Variants in SLC24A4 observed in about 807,000 individuals in gnomAD.
SLC24A4 encodes the protein solute carrier family 24 member 4, also known as sodium/potassium/calcium exchanger 4.
SLC24A4 carries 53 observed loss-of-function variants against 79.0 expected under a neutral mutation model. The ratio of observed to expected loss-of-function variants is 0.67; its 90% CI spans 0.54 to 0.84. The LOEUF (loss-of-function observed/expected upper bound fraction) is 0.84. Ranked by LOEUF, SLC24A4 falls within the 40% of genes least tolerant of loss-of-function variation. The pLI is 0.00. For synonymous variants in SLC24A4, 323 were observed against 323.8 expected (o/e 1.00, Z 0.03); for missense variants, 731 against 822.0 (o/e 0.89, Z 1.35).
At chr14:92,438,197 A>G (rs1892282692) in intron 3 of SLC24A4, among the ~76,000 whole-genome samples, 1 of 152,230 alleles carries the variant, frequency 6.6e-6, no homozygotes, top group African/African-American at 2.4e-5. Flanking sequence ...AACCTGCTAT[A>G]AATCAGGATT....
intron 2 of SLC24A4, among the ~76,000 whole-genome samples, chr14:92,401,280 C>T (rs1229681332): frequency 6.6e-6 from 1 of 152,182 alleles, no homozygotes; most frequent in Non-Finnish European, 1.5e-5. Flanking sequence ...AATGGAAAAA[C>T]CGTGCAGGTT....
chr14:92,436,697 C>T (rs1193022190), intron 3 of SLC24A4, among the ~76,000 whole-genome samples: 1 of 152,140 alleles, frequency 6.6e-6, no homozygotes, highest in Non-Finnish European at 1.5e-5. Flanking sequence ...TGCAGTGCTC[C>T]GTGACCCAGG....
rs118059087 is a variant in SLC24A4 at position 92,419,788 on chromosome 14, A to T, written c.242-14124A>T. On this transcript the variant is annotated intron_variant, in intron 2 of 16. Transcript: ENST00000532405. ...CTTGTGTTTCATGAATAAAGGGTCAATCAAGTCAACACATAATGAGGGCTG... is the reference window on the plus strand; with the variant it reads ...CTTGTGTTTCATGAATAAAGGGTCATTCAAGTCAACACATAATGAGGGCTG... Among the ~76,000 whole-genome samples the T allele has an allele frequency of 5.1e-3, 772 of 152,324 alleles. 3 individuals carry two copies. The highest frequency in any genetic ancestry group is 8.6e-3 in the Non-Finnish European group (588 of 68,028).
chr14:92,443,499 G>A, intron 7 of SLC24A4, 25 bp downstream of exon 7: 5 of 1,613,602 alleles, frequency 3.1e-6, no homozygotes, highest in Non-Finnish European at 4.2e-6. Flanking sequence ...TGCCCCCAAG[G>A]TCAGGTTGGC....
intron 12 of SLC24A4, among the ~76,000 whole-genome samples, chr14:92,467,092 CACTG>C (rs1334537828): frequency 6.6e-6 from 1 of 152,188 alleles, no homozygotes; most frequent in Non-Finnish European, 1.5e-5. Context: ...GCACAGAGGC[CACTG>C]ACTGAGGAAG....
chr14:92,384,102 C>A (rs1296170122), intron 2 of SLC24A4, among the ~76,000 whole-genome samples: 1 of 152,164 alleles, frequency 6.6e-6, no homozygotes, highest in Non-Finnish European at 1.5e-5. Context: ...TTTCTGTCTG[C>A]CTTGCCTGGT....
In SLC24A4 at chr14:92,441,994, AC is replaced by A. The variant is rs780646613; in HGVS notation, c.394-94del. 1.0e-4 allele frequency: 101 copies of A among 964,452 alleles called. No homozygotes were observed. Among genetic ancestry groups the A allele is most frequent in the Non-Finnish European group, 1.6e-4 (97 of 615,702 alleles). 59.7% of individuals were successfully genotyped at this position (964,452 alleles called of 1,614,324 possible). ...AGACGAGTTTGCCTCTGGCTGCAGCACTGCTCTCCTGCATGCTCCTTGGCTG... is the reference window on the plus strand; with the variant it reads ...AGACGAGTTTGCCTCTGGCTGCAGCATGCTCTCCTGCATGCTCCTTGGCTG... On this transcript the variant is annotated intron_variant, in intron 4 of 16. Coordinates refer to ENST00000532405, the MANE Select transcript of SLC24A4 (RefSeq NM_153646.4). This position sits in a 1 kb window ranked among gnomAD's most constrained non-coding sequence, Gnocchi z 4.6.
intron 2 of SLC24A4, among the ~76,000 whole-genome samples, chr14:92,335,502 G>A (rs1401018325): frequency 2.7e-5 from 4 of 150,412 alleles, no homozygotes; most frequent in Non-Finnish European, 4.4e-5. Flanking sequence ...TTACAGGCAT[G>A]TGCCACCACG....
chr14:92,421,918 T>A (rs1321537171), intron 2 of SLC24A4, among the ~76,000 whole-genome samples: 1 of 152,190 alleles, frequency 6.6e-6, no homozygotes, highest in Admixed American at 6.6e-5. Flanking sequence ...AGGGCAGCCG[T>A]TTAGAATTCC....
chr14:92,446,832 A>G (rs4144267), intron 8 of SLC24A4, among the ~76,000 whole-genome samples: 38,666 of 152,082 alleles, frequency 0.25, 5,600 homozygotes, highest in East Asian at 0.53. Context: ...AGAGGGTAGT[A>G]ATGGTTGCAT....
At chr14:92,390,501 C>T (rs1889404904) in intron 2 of SLC24A4, among the ~76,000 whole-genome samples, 1 of 152,182 alleles carries the variant, frequency 6.6e-6, no homozygotes, top group South Asian at 2.1e-4. Context: ...GAGTTAAGAT[C>T]TGACAATATA....
At chr14:92,448,381 A>ACACACACACACACACAC (rs1555371204) in intron 9 of SLC24A4, among the ~76,000 whole-genome samples, 5 of 31,832 alleles carry the variant, frequency 1.6e-4, no homozygotes, top group East Asian at 6.2e-4. Context: ...CACACACACA[A>ACACACACACACACACAC]ATCCCTACTC....
In SLC24A4 at chr14:92,323,901, G is replaced by T; in HGVS notation, c.71G>T (p.Gly24Val). The change falls in exon 1 of 17, where the codon GGC (glycine) becomes GTC (valine). Residue 24 changes from glycine to valine, a missense_variant. Coordinates refer to ENST00000532405, the MANE Select transcript of SLC24A4 (RefSeq NM_153646.4). The surrounding 1 kb of genome is among the most constrained non-coding windows in gnomAD (Gnocchi z 4.9). ...RRREMLPQQV[G>V]FVCAVLALVC... ...CGAGAGATGCTGCCGCAGCAAGTCGGCTTCGTGTGCGCGGTGCTGGCCCTG... is the reference window on the plus strand; with the variant it reads ...CGAGAGATGCTGCCGCAGCAAGTCGTCTTCGTGTGCGCGGTGCTGGCCCTG... 1 of 1,609,366 alleles carries T rather than the reference G, an allele frequency of 6.2e-7. No individual in the cohort carries two copies.
In SLC24A4 at chr14:92,381,482, C is replaced by T. The variant is rs562416141; in HGVS notation, c.242-52430C>T. On this transcript the variant is annotated intron_variant, in intron 2 of 16. Coordinates refer to ENST00000532405, the MANE Select transcript of SLC24A4 (RefSeq NM_153646.4). ...CATTAGGACAAATACCTAATGCATG[C>T]GGGGCTTAAAGCCTAGATGATGGGT... Among the ~76,000 whole-genome samples the T allele has an allele frequency of 5.9e-5, 9 of 152,132 alleles. No individual in the cohort carries two copies. In the South Asian group the frequency reaches 6.2e-4, roughly 11 times the overall value.
chr14:92,429,692 G>A (rs575186464), intron 2 of SLC24A4, among the ~76,000 whole-genome samples: 1 of 152,320 alleles, frequency 6.6e-6, no homozygotes, highest in Admixed American at 6.5e-5. Flanking sequence ...TCTGCTGGGG[G>A]TAACATGCTC....
chr14:92,434,217 C>G (rs185925085), intron 3 of SLC24A4, among the ~76,000 whole-genome samples: 1 of 152,302 alleles, frequency 6.6e-6, no homozygotes, highest in Non-Finnish European at 1.5e-5. Flanking sequence ...GAATGCAAGT[C>G]TTTCCTGTAC....
At chr14:92,364,796 C>T (rs1223399815) in intron 2 of SLC24A4, among the ~76,000 whole-genome samples, 4 of 152,236 alleles carry the variant, frequency 2.6e-5, no homozygotes, top group Non-Finnish European at 5.9e-5. Flanking sequence ...GTGACCAAGG[C>T]AGGTGGCTCC....
At chr14:92,348,975 C>A (rs941943853) in intron 2 of SLC24A4, among the ~76,000 whole-genome samples, 11 of 151,990 alleles carry the variant, frequency 7.2e-5, no homozygotes, top group African/African-American at 2.4e-4. Flanking sequence ...TCTGGAGTTA[C>A]CAGCTCGCAG....
At chr14:92,385,412 G>A (rs1049369171) in intron 2 of SLC24A4, among the ~76,000 whole-genome samples, 4 of 151,498 alleles carry the variant, frequency 2.6e-5, no homozygotes, top group African/African-American at 4.9e-5. Context: ...CAGGAGAATC[G>A]CTTGAACCAG....
Sources: gnomAD v4.1 joint callset for allele counts (sites outside exome capture counted in the v4.1 genomes callset) on GRCh38, gnomAD v4.1.1 for gene constraint, Gnocchi (gnomAD v3.1) non-coding constraint, MANE v1.5 for transcripts, NCBI Gene and HGNC (gene_info 2026-07-23, HGNC 2026-07-21) for gene names.